MAN1A1: variants seen among roughly 807,000 people sequenced by gnomAD.
MAN1A1 encodes mannosyl-oligosaccharide 1,2-alpha-mannosidase IA.
MAN1A1 carries 29 observed loss-of-function variants against 70.8 expected under a neutral mutation model. The ratio of observed to expected loss-of-function variants is 0.41; its 90% CI spans 0.31 to 0.56. The LOEUF (loss-of-function observed/expected upper bound fraction) is 0.56, where lower values mean the gene tolerates loss of function less well. MAN1A1 is among the 20% of genes least tolerant of loss of function. The probability of loss-of-function intolerance (pLI) is 0.29; values close to 1 mark genes in which losing one functional copy is unlikely to be tolerated. For synonymous variants in MAN1A1, 349 were observed against 330.1 expected, an observed-to-expected ratio of 1.06 and a Z score of -0.62; for missense variants, 747 against 841.3, an observed-to-expected ratio of 0.89 and a Z score of 1.39.
At chr6:119,223,083 GAA>G (rs1774410230) in intron 6 of MAN1A1, among the ~76,000 whole-genome samples, 1 of 151,966 alleles carries the variant, frequency 6.6e-6, no homozygotes, top group East Asian at 1.9e-4. Flanking sequence ...AACAGGAAAA[GAA>G]TATTTTAGAA....
At chr6:119,308,440 TG>T (rs1248307111) in intron 2 of MAN1A1, among the ~76,000 whole-genome samples, 5 of 152,090 alleles carry the variant, frequency 3.3e-5, no homozygotes, top group Non-Finnish European at 5.9e-5. Context: ...TCACATGACT[TG>T]ATTTATAATC....
At chr6:119,253,256 G>A (rs371265726) in intron 5 of MAN1A1, among the ~76,000 whole-genome samples, 12 of 152,012 alleles carry the variant, frequency 7.9e-5, no homozygotes, top group African/African-American at 9.7e-5. Context: ...GTCTGCTGCC[G>A]GTGAGATACA....
chr6:119,349,400 T>C, intron 1 of MAN1A1, 113 bp from the exon 2 acceptor site: 2 of 929,584 alleles, frequency 2.2e-6, no homozygotes, highest in Non-Finnish European at 2.6e-6. Context: ...TTAAGCAGAG[T>C]CCTGTCCAGT....
At chr6:119,203,756 C>T (rs1309323711) in intron 7 of MAN1A1, among the ~76,000 whole-genome samples, 1 of 152,088 alleles carries the variant, frequency 6.6e-6, no homozygotes. Context: ...AGAAGCACGT[C>T]TAGGCGTTAA....
At chr6:119,345,967 G>A (rs1435148162) in intron 2 of MAN1A1, among the ~76,000 whole-genome samples, 1 of 152,146 alleles carries the variant, frequency 6.6e-6, no homozygotes, top group Non-Finnish European at 1.5e-5. Context: ...TTAGCTGGGT[G>A]TGGTGGCACG....
chr6:119,344,092 CTAAGA>C (rs758786588), intron 2 of MAN1A1, among the ~76,000 whole-genome samples: 8 of 152,164 alleles, frequency 5.3e-5, no homozygotes, highest in African/African-American at 9.7e-5. Flanking sequence ...TTGTGTAATA[CTAAGA>C]TAAATTTTTC....
At chr6:119,189,525 T>C (rs575353038) in intron 10 of MAN1A1, 139 bp downstream of exon 10, 6 of 760,510 alleles carry the variant, frequency 7.9e-6, no homozygotes, top group African/African-American at 3.5e-5. Context: ...AAATAAAATA[T>C]ACATTCCTTT....
At chr6:119,219,701 G>C (rs1774304945) in intron 6 of MAN1A1, among the ~76,000 whole-genome samples, 3 of 151,496 alleles carry the variant, frequency 2.0e-5, no homozygotes, top group Admixed American at 2.0e-4. Flanking sequence ...ACAATGTAAG[G>C]TATTCCCAAA....
At chr6:119,274,846 A>G (rs1468783575) in intron 5 of MAN1A1, among the ~76,000 whole-genome samples, 1 of 152,206 alleles carries the variant, frequency 6.6e-6, no homozygotes, top group African/African-American at 2.4e-5. Context: ...CTATTGATGA[A>G]AAGAGTCAGA....
intron 6 of MAN1A1, among the ~76,000 whole-genome samples, chr6:119,225,987 T>C (rs1356795872): frequency 6.6e-6 from 1 of 152,156 alleles, no homozygotes; most frequent in Non-Finnish European, 1.5e-5. Flanking sequence ...TAGGTAGATA[T>C]AAAGTACATC....
In MAN1A1 at chr6:119,349,665, G is replaced by A. The variant is rs553293294; in HGVS notation, c.-346C>T. 1.7e-3 allele frequency: 1,709 copies of A among 985,844 alleles called. 4 individuals carry two copies. The highest frequency in any genetic ancestry group is 2.0e-3 in the Non-Finnish European group (1,620 of 830,012). The allele number at this position is 985,844 out of a possible 1,614,324, so 61.1% of individuals were successfully genotyped here. On this transcript the variant is annotated 5_prime_UTR_variant, in exon 1 of 13. Coordinates refer to ENST00000368468, the MANE Select transcript of MAN1A1 (RefSeq NM_005907.4). ...GAGCGCGCTGTCCCACGGTCCCGCA[G>A]CCCCGGCGCGGCTCAGGTGGGCGAG... is the stretch of plus-strand genomic sequence containing the variant.
chr6:119,284,658 C>T (rs893061883), intron 5 of MAN1A1, among the ~76,000 whole-genome samples: 2 of 151,894 alleles, frequency 1.3e-5, no homozygotes, highest in Admixed American at 1.3e-4. Flanking sequence ...AAGTATAACT[C>T]TGGCTGCTTT....
chr6:119,256,294 T>C lies in MAN1A1; in HGVS notation c.898-7940A>G, dbSNP rs762022682. 4.3e-4 allele frequency among the ~76,000 whole-genome samples: 65 copies of C among 152,330 alleles called. 1 individual carries two copies. Among genetic ancestry groups the C allele is most frequent in the Middle Eastern group, 3.4e-3 (1 of 294 alleles). On this transcript the variant is annotated intron_variant, in intron 5 of 12. Coordinates refer to ENST00000368468, the MANE Select transcript of MAN1A1 (RefSeq NM_005907.4). ...ATAGGCACTTTAGATTTATCTAGCT[T>C]TTTAAAGATATTTATTCTCATGAAA...
intron 5 of MAN1A1, among the ~76,000 whole-genome samples, chr6:119,278,893 T>C (rs981723292): frequency 3.9e-5 from 6 of 152,168 alleles, no homozygotes; most frequent in Non-Finnish European, 2.9e-5. Flanking sequence ...GAAAGCTTCC[T>C]GAGGCTTCAT....
At chr6:119,326,012 A>G (rs955009048) in intron 2 of MAN1A1, among the ~76,000 whole-genome samples, 6 of 152,250 alleles carry the variant, frequency 3.9e-5, no homozygotes, top group African/African-American at 1.4e-4. Flanking sequence ...TCACAGCAAC[A>G]GACCTGTTGT....
rs900918470 is a variant in MAN1A1, at chr6:119,241,974, A to G, written c.992+6286T>C. Among the ~76,000 whole-genome samples, 44 of 149,774 alleles carry G rather than the reference A, an allele frequency of 2.9e-4. No individual in the cohort carries two copies. In the Middle Eastern group the frequency reaches 0.021, roughly 70 times the overall value. On this transcript the variant is annotated intron_variant, in intron 6 of 12. Transcript: ENST00000368468. ...TGTGTGTGTGTGTGTGTGTGTGTGTATATGTGTGTGTATATATATATTAGA... is the reference window on the plus strand; with the variant it reads ...TGTGTGTGTGTGTGTGTGTGTGTGTGTATGTGTGTGTATATATATATTAGA...
intron 2 of MAN1A1, among the ~76,000 whole-genome samples, chr6:119,341,791 T>A (rs1582818675): frequency 6.6e-6 from 1 of 152,196 alleles, no homozygotes; most frequent in East Asian, 1.9e-4. Context: ...GATCTCTCTC[T>A]CTATTTAGAA....
intron 6 of MAN1A1, 42 bp from the exon 7 acceptor site, chr6:119,204,924 C>T (rs768261528): frequency 1.2e-6 from 2 of 1,600,124 alleles, no homozygotes; most frequent in Non-Finnish European, 1.7e-6. Flanking sequence ...GTCAGATTAA[C>T]TCCGTTTTTC....
intron 4 of MAN1A1, among the ~76,000 whole-genome samples, chr6:119,296,082 G>C (rs1372405438): frequency 6.6e-6 from 1 of 152,122 alleles, no homozygotes; most frequent in Non-Finnish European, 1.5e-5. Flanking sequence ...TTAACACTTT[G>C]AGGATTAAAA....
Sources: allele counts gnomAD v4.1 joint callset (sites outside exome capture counted in the v4.1 genomes callset), GRCh38; gene constraint gnomAD v4.1.1; transcripts MANE v1.5; gene names NCBI Gene and HGNC (gene_info 2026-07-23, HGNC 2026-07-21).